The following AGPAT4 variants were observed in gnomAD, a reference collection of about 807,000 sequenced individuals.
AGPAT4 encodes 1-acylglycerol-3-phosphate O-acyltransferase 4.
AGPAT4 carries 15 observed loss-of-function variants against 48.0 expected under a neutral mutation model. That is an observed-to-expected ratio of 0.31 (90% CI 0.21 to 0.48). The LOEUF is 0.48. AGPAT4 is among the 20% of genes least tolerant of loss of function. The probability of loss-of-function intolerance (pLI) is 0.99; values close to 1 mark genes in which losing one functional copy is unlikely to be tolerated. For synonymous variants in AGPAT4, 178 were observed against 198.7 expected, an observed-to-expected ratio of 0.90 and a Z score of 0.88; for missense variants, 314 against 482.5, an observed-to-expected ratio of 0.65 and a Z score of 3.27.
chr6:161,248,589 A>C (rs1429011770), intron 1 of AGPAT4, among the ~76,000 whole-genome samples: 1 of 150,814 alleles, frequency 6.6e-6, no homozygotes, highest in African/African-American at 2.5e-5. Context: ...AAAAAAAAAA[A>C]AAAAACTAGG....
At chr6:161,210,618 AACTTAACT>A (rs1781496924) in intron 2 of AGPAT4, among the ~76,000 whole-genome samples, 1 of 152,214 alleles carries the variant, frequency 6.6e-6, no homozygotes. Context: ...AAGTTTATGT[AACTTAACT>A]AATATATTTA....
rs1228975085 is a variant in AGPAT4, at chr6:161,195,347, C to A, written c.179-28930G>T. ...AAAAAAAGTAATTATTCAGAGAAGA[C>A]AAGCACTGCAGGACAACCATTGGGC... On this transcript the variant is annotated intron_variant, in intron 2 of 8. Coordinates refer to ENST00000320285, the MANE Select transcript of AGPAT4 (RefSeq NM_020133.3). This position sits in a 1 kb window ranked among gnomAD's most constrained non-coding sequence, Gnocchi z 5.0. Among the ~76,000 whole-genome samples, 1 of 152,190 alleles carries A rather than the reference C, an allele frequency of 6.6e-6. No individual in the cohort carries two copies. Among genetic ancestry groups the A allele is most frequent in the Non-Finnish European group, 1.5e-5 (1 of 68,036 alleles).
rs1366176536 is a variant in AGPAT4, at chr6:161,243,354, A to G, written c.-89-11052T>C. The stretch of plus-strand genomic sequence containing the variant: ...TCCCCAGCCGGCACTAAAAACAAAA[A>G]GAGAGAGCTTTATTCAGCACCTAAA... On this transcript the variant is annotated intron_variant, in intron 1 of 8. Transcript: ENST00000320285. The surrounding 1 kb of genome is among the most constrained non-coding windows in gnomAD (Gnocchi z 4.8). Among the ~76,000 whole-genome samples, 1 of 152,098 alleles carries G rather than the reference A, an allele frequency of 6.6e-6. No homozygotes were observed. Among genetic ancestry groups the G allele is most frequent in the Admixed American group, 6.5e-5 (1 of 15,272 alleles).
intron 2 of AGPAT4, among the ~76,000 whole-genome samples, chr6:161,213,488 C>CTATT (rs144702080): frequency 0.1 from 15,584 of 152,170 alleles, 835 homozygotes; most frequent in South Asian, 0.16. Flanking sequence ...GGCTACAAGT[C>CTATT]TTCAAAATAA....
At chr6:161,168,930 G>A (rs568115091) in intron 2 of AGPAT4, among the ~76,000 whole-genome samples, 7 of 152,318 alleles carry the variant, frequency 4.6e-5, no homozygotes, top group East Asian at 1.9e-4. Flanking sequence ...GGTAAATGCC[G>A]TTAGAGATGC....
chr6:161,176,259 G>A (rs987551296), intron 2 of AGPAT4, among the ~76,000 whole-genome samples: 6 of 152,088 alleles, frequency 3.9e-5, no homozygotes, highest in Non-Finnish European at 5.9e-5. Context: ...CATTATTATT[G>A]TGTGGGAGTC....
At chr6:161,191,620 T>C (rs575061070) in intron 2 of AGPAT4, among the ~76,000 whole-genome samples, 2 of 152,342 alleles carry the variant, frequency 1.3e-5, no homozygotes, top group South Asian at 4.1e-4. Flanking sequence ...CTACCTGTCA[T>C]AGTCCTGAAG....
Position 161,161,871 on chromosome 6 carries a change from C to T in AGPAT4, c.348+4377G>A, listed in dbSNP as rs1779945884. Reference sequence around the variant, plus strand: ...GGCAGCACAGGGCTTTATGGGCGCCCTCACGCACAGGCACTCTGCCTAGGA... The same window carrying T: ...GGCAGCACAGGGCTTTATGGGCGCCTTCACGCACAGGCACTCTGCCTAGGA... On this transcript the variant is annotated intron_variant, in intron 3 of 8. Coordinates refer to ENST00000320285, the MANE Select transcript of AGPAT4 (RefSeq NM_020133.3). This position sits in a 1 kb window ranked among gnomAD's most constrained non-coding sequence, Gnocchi z 4.6. The T allele has an allele frequency of 3.9e-6, 1 of 253,288 alleles. No homozygotes were observed. The highest frequency in any genetic ancestry group is 7.9e-6 in the Non-Finnish European group (1 of 127,158). 15.7% of individuals were successfully genotyped at this position (253,288 alleles called of 1,614,324 possible).
chr6:161,183,345 T>C (rs1780654110), intron 2 of AGPAT4, among the ~76,000 whole-genome samples: 1 of 151,778 alleles, frequency 6.6e-6, no homozygotes, highest in Non-Finnish European at 1.5e-5. Context: ...AGAGTCCAGG[T>C]GCAGAGGCTC....
At chr6:161,205,074 T>C (rs960648937) in intron 2 of AGPAT4, among the ~76,000 whole-genome samples, 5 of 152,168 alleles carry the variant, frequency 3.3e-5, no homozygotes, top group African/African-American at 9.7e-5. Flanking sequence ...CACTCTGTGC[T>C]GGAAGGGACG....
chr6:161,183,373 A>G (rs1266033940), intron 2 of AGPAT4, among the ~76,000 whole-genome samples: 1 of 151,842 alleles, frequency 6.6e-6, no homozygotes, highest in African/African-American at 2.4e-5. Context: ...TAATCCCAGC[A>G]CTTTGGGAGT....
At position 161,236,646 on chromosome 6, in the gene AGPAT4, G is replaced by A. The variant is rs898196364; in HGVS notation, c.-89-4344C>T. Among the ~76,000 whole-genome samples the A allele has an allele frequency of 1.3e-5, 2 of 152,040 alleles. No individual in the cohort carries two copies. Among genetic ancestry groups the A allele is most frequent in the Admixed American group, 1.3e-4 (2 of 15,254 alleles). On this transcript the variant is annotated intron_variant, in intron 1 of 8. Transcript: ENST00000320285. The surrounding 1 kb of genome is among the most constrained non-coding windows in gnomAD (Gnocchi z 5.0). ...AGGCCGGGAGCAGTGGCTCACACCT[G>A]TAATCCTAGCACTTTGGGAGGCCCA... is the stretch of plus-strand genomic sequence containing the variant.
At chr6:161,207,139 A>C (rs1018224889) in intron 2 of AGPAT4, among the ~76,000 whole-genome samples, 3 of 152,240 alleles carry the variant, frequency 2.0e-5, no homozygotes, top group Non-Finnish European at 4.4e-5. Flanking sequence ...AGACAGTGTT[A>C]TCTCTCTTTT....
In AGPAT4 at chr6:161,161,221, G is replaced by C; in HGVS notation, c.348+5027C>G. ...CCTGGTCAACAAAGAAGAAGACCCC[G>C]GTGTGTCCAACGTGGGACCGGACTT... is the stretch of plus-strand genomic sequence containing the variant. On this transcript the variant is annotated intron_variant, in intron 3 of 8. Transcript: ENST00000320285. The surrounding 1 kb of genome is among the most constrained non-coding windows in gnomAD (Gnocchi z 4.6). 1 of 456,690 alleles carries C rather than the reference G, an allele frequency of 2.2e-6. No individual in the cohort carries two copies. The highest frequency in any genetic ancestry group is 1.5e-5 in the South Asian group (1 of 64,568). The allele number at this position is 456,690 out of a possible 1,614,324, so 28.3% of individuals were successfully genotyped here. A position where few individuals can be genotyped will look rare whatever the true frequency, so the allele number is the denominator to read the frequency against.
At position 161,159,607 on chromosome 6, in the gene AGPAT4, G is replaced by T. The variant is rs55791432; in HGVS notation, c.349-5297C>A. Among the ~76,000 whole-genome samples, 1 of 152,178 alleles carries T rather than the reference G, an allele frequency of 6.6e-6. No homozygotes were observed. The highest frequency in any genetic ancestry group is 2.4e-5 in the African/African-American group (1 of 41,456). Reference sequence around the variant, plus strand: ...ATAATGAATCAGTTTGTGTGCACGCGTGCGTGTGTGTGTGTGTTCATCAAA... The same window carrying T: ...ATAATGAATCAGTTTGTGTGCACGCTTGCGTGTGTGTGTGTGTTCATCAAA... On this transcript the variant is annotated intron_variant, in intron 3 of 8. Transcript: ENST00000320285. This position sits in a 1 kb window ranked among gnomAD's most constrained non-coding sequence, Gnocchi z 4.1.
In AGPAT4 at chr6:161,234,351, T is replaced by C. The variant is rs1782208260; in HGVS notation, c.-89-2049A>G. On this transcript the variant is annotated intron_variant, in intron 1 of 8. Transcript: ENST00000320285. The surrounding 1 kb of genome is among the most constrained non-coding windows in gnomAD (Gnocchi z 4.4). ...AAATCATCTTAGCTCCACTGAGACA[T>C]CCCATTCTCTAGGCCCCAGAAGCTC... Among the ~76,000 whole-genome samples, 1 of 152,154 alleles carries C rather than the reference T, an allele frequency of 6.6e-6. No individual in the cohort carries two copies. The highest frequency in any genetic ancestry group is 2.4e-5 in the African/African-American group (1 of 41,434).
chr6:161,255,429 C>T lies in AGPAT4; in HGVS notation c.-90+18509G>A, dbSNP rs1238285971. 6.6e-6 allele frequency among the ~76,000 whole-genome samples: 1 copy of T among 152,182 alleles called. No individual in the cohort carries two copies. The highest frequency in any genetic ancestry group is 1.5e-5 in the Non-Finnish European group (1 of 68,036). On this transcript the variant is annotated intron_variant, in intron 1 of 8. Coordinates refer to ENST00000320285, the MANE Select transcript of AGPAT4 (RefSeq NM_020133.3). The surrounding 1 kb of genome is among the most constrained non-coding windows in gnomAD (Gnocchi z 4.7). Reference sequence around the variant, plus strand: ...ACAAAATCTTGTACACCCACGTTCACGGCAGCGTTGCTCTCGATAGCCAAA... The same window carrying T: ...ACAAAATCTTGTACACCCACGTTCATGGCAGCGTTGCTCTCGATAGCCAAA...
rs1030966694 is a variant in AGPAT4, at chr6:161,266,872, T to C, written c.-90+7066A>G. 1.3e-5 allele frequency among the ~76,000 whole-genome samples: 2 copies of C among 152,196 alleles called. No homozygotes were observed. The highest frequency in any genetic ancestry group is 6.5e-5 in the Admixed American group (1 of 15,290). Reference sequence around the variant, plus strand: ...AGACTGACAGCTCACGAGGAGCCCATGGAGATGGGCAAGAGACCAAATTTC... The same window carrying C: ...AGACTGACAGCTCACGAGGAGCCCACGGAGATGGGCAAGAGACCAAATTTC... On this transcript the variant is annotated intron_variant, in intron 1 of 8. Coordinates refer to ENST00000320285, the MANE Select transcript of AGPAT4 (RefSeq NM_020133.3). This position sits in a 1 kb window ranked among gnomAD's most constrained non-coding sequence, Gnocchi z 6.2.
chr6:161,146,731 C>T lies in AGPAT4; in HGVS notation c.768-132G>A. On this transcript the variant is annotated intron_variant, in intron 6 of 8. Coordinates refer to ENST00000320285, the MANE Select transcript of AGPAT4 (RefSeq NM_020133.3). This position sits in a 1 kb window ranked among gnomAD's most constrained non-coding sequence, Gnocchi z 7.1. ...TAATGTGGAACTGAAGAGAGTAATG[C>T]AAGTGATAGAAAGAAGGGGCGTTCC... 1 of 781,864 alleles carries T rather than the reference C, an allele frequency of 1.3e-6. No individual in the cohort carries two copies. Among genetic ancestry groups the T allele is most frequent in the Non-Finnish European group, 2.1e-6 (1 of 478,624 alleles). 48.4% of individuals were successfully genotyped at this position (781,864 alleles called of 1,614,324 possible).
Sources: allele counts gnomAD v4.1 joint callset (sites outside exome capture counted in the v4.1 genomes callset), GRCh38; gene constraint gnomAD v4.1.1; non-coding constraint Gnocchi (gnomAD v3.1); transcripts MANE v1.5; gene names NCBI Gene and HGNC (gene_info 2026-07-23, HGNC 2026-07-21).